PCDHA10: variants seen among roughly 807,000 people sequenced by gnomAD.
PCDHA10 encodes the protein protocadherin alpha-10.
Under a neutral mutation model 61.2 loss-of-function variants are expected in PCDHA10, and 45 were observed. The observed-to-expected ratio is 0.74, with a 90% CI of 0.58 to 0.94. The LOEUF (loss-of-function observed/expected upper bound fraction) is 0.94, where lower values mean the gene tolerates loss of function less well. Ranked by LOEUF, PCDHA10 falls within the 40% of genes least tolerant of loss-of-function variation. The pLI is 0.00. For synonymous variants in PCDHA10, 602 were observed against 548.8 expected, an observed-to-expected ratio of 1.10 and a Z score of -1.35; for missense variants, 1,278 against 1,236.2, an observed-to-expected ratio of 1.03 and a Z score of -0.51.
At chr5:140,895,367 CT>C (rs35382025) in intron 1 of PCDHA10, among the ~76,000 whole-genome samples, 1 of 152,014 alleles carries the variant, frequency 6.6e-6, no homozygotes, top group Non-Finnish European at 1.5e-5. Context: ...CTTATTGGCA[CT>C]TTTTGGAGTT....
At chr5:140,914,615 A>G (rs573524299) in intron 1 of PCDHA10, among the ~76,000 whole-genome samples, 12 of 151,836 alleles carry the variant, frequency 7.9e-5, no homozygotes, top group African/African-American at 2.9e-4. Context: ...GCCATTTTGT[A>G]ATTTGTTTTC....
chr5:140,881,488 AT>A (rs1193131425), intron 1 of PCDHA10: 4 of 334,526 alleles, frequency 1.2e-5, no homozygotes, highest in African/African-American at 8.9e-5. Flanking sequence ...TATTGTGTTT[AT>A]GCACATACAC....
At chr5:140,888,834 C>T (rs2061995964) in intron 1 of PCDHA10, among the ~76,000 whole-genome samples, 1 of 152,080 alleles carries the variant, frequency 6.6e-6, no homozygotes, top group Non-Finnish European at 1.5e-5. Context: ...CATCACTCCA[C>T]TGCAGCCTGG....
chr5:140,945,614 A>G lies in PCDHA10; in HGVS notation c.2389-33335A>G, dbSNP rs2093816394. Among the ~76,000 whole-genome samples the G allele has an allele frequency of 2.0e-5, 3 of 152,278 alleles. No homozygotes were observed. The South Asian group carries it at 6.2e-4, about 32-fold the overall frequency. ...TCAAAGCTATAATAATCAAAACAGC[A>G]TGGTACTGGCATAAAAGACATGTAG... On this transcript the variant is annotated intron_variant, in intron 1 of 3. Coordinates refer to ENST00000307360, the MANE Select transcript of PCDHA10 (RefSeq NM_018901.4).
At chr5:141,007,395 CAA>C (rs35800918) in intron 3 of PCDHA10, among the ~76,000 whole-genome samples, 1,140 of 94,858 alleles carry the variant, frequency 0.012, 9 homozygotes, top group South Asian at 0.036. Context: ...TACTAAAATA[CAA>C]AAAAAAAAAA....
intron 1 of PCDHA10, among the ~76,000 whole-genome samples, chr5:140,888,973 A>G (rs1173174070): frequency 2.6e-5 from 4 of 152,078 alleles, no homozygotes; most frequent in African/African-American, 9.7e-5. Flanking sequence ...TAATGTGTTG[A>G]ATTTATGATT....
intron 3 of PCDHA10, among the ~76,000 whole-genome samples, chr5:140,985,879 A>G (rs539308826): frequency 6.6e-6 from 1 of 151,504 alleles, no homozygotes; most frequent in Non-Finnish European, 1.5e-5. Context: ...AGCTGGGACT[A>G]CAGGCGCCCG....
At chr5:140,927,158 C>G in intron 1 of PCDHA10, 1 of 1,614,166 alleles carries the variant, frequency 6.2e-7, no homozygotes, top group Non-Finnish European at 8.5e-7. Context: ...CTGTGCAGGG[C>G]CAAAGCTGCC....
chr5:140,862,236 A>G (rs2047269421), intron 1 of PCDHA10: 1 of 213,620 alleles, frequency 4.7e-6, no homozygotes, highest in African/African-American at 2.3e-5. Context: ...CTTGGACATC[A>G]ATGATAGTGT....
At chr5:141,000,183 A>G (rs2097895175) in intron 3 of PCDHA10, among the ~76,000 whole-genome samples, 1 of 151,898 alleles carries the variant, frequency 6.6e-6, no homozygotes, top group Non-Finnish European at 1.5e-5. Context: ...CAAGGAGTCA[A>G]TGTGAGAATA....
rs568088223 is a variant in PCDHA10, at chr5:140,879,577, G to T, written c.2388+21141G>T. ...ATCCATGAAAGAATAAAATTGCCAA[G>T]ACAGACATTGAAAAGTGAAAAACAA... is the stretch of plus-strand genomic sequence containing the variant. On this transcript the variant is annotated intron_variant, in intron 1 of 3. Transcript: ENST00000307360. Among the ~76,000 whole-genome samples, 5 of 152,302 alleles carry T rather than the reference G, an allele frequency of 3.3e-5. No homozygotes were observed. In the South Asian group the frequency reaches 1.0e-3, roughly 32 times the overall value.
intron 1 of PCDHA10, among the ~76,000 whole-genome samples, chr5:140,881,608 C>T (rs1254695632): frequency 6.6e-6 from 1 of 152,154 alleles, no homozygotes; most frequent in Non-Finnish European, 1.5e-5. Flanking sequence ...ATATGATGTG[C>T]TTATTCAAAA....
rs147361555 is a variant in PCDHA10, at chr5:140,857,527, G to T, written c.1479G>T (p.Leu493=). The T allele has an allele frequency of 8.1e-6, 13 of 1,597,684 alleles. No individual in the cohort carries two copies. The highest frequency in any genetic ancestry group is 1.1e-5 in the Non-Finnish European group (13 of 1,167,790). ...AGAACGCCCTGGTGTCCTACTCTCT[G>T]GTGGAGCGGCGGTTGGGCGAGCGCT... is the stretch of plus-strand genomic sequence containing the variant. ...AQENALVSYS[L]VERRLGERSL... is the part of the protein sequence containing the mutation. The change falls in exon 1 of 4, where the codon CTG becomes CTT. Residue 493 remains leucine, a synonymous_variant. Transcript: ENST00000307360.
At chr5:140,984,588 T>C (rs1338170509) in intron 3 of PCDHA10, among the ~76,000 whole-genome samples, 1 of 152,170 alleles carries the variant, frequency 6.6e-6, no homozygotes, top group Non-Finnish European at 1.5e-5. Flanking sequence ...AATCATACTT[T>C]TCAATACATA....
chr5:140,864,592 C>G (rs1005645849), intron 1 of PCDHA10: 6 of 152,206 alleles, frequency 3.9e-5, no homozygotes, highest in South Asian at 4.1e-4. Flanking sequence ...TCAACTACTT[C>G]AGATAGCCAA....
chr5:140,967,024 T>G, intron 1 of PCDHA10: 1 of 1,608,238 alleles, frequency 6.2e-7, no homozygotes, highest in Non-Finnish European at 8.5e-7. Flanking sequence ...GTGCGCCCAG[T>G]CCGCGCTACC....
chr5:140,982,447 C>T (rs782801484), intron 2 of PCDHA10, 28 bp from the exon 3 acceptor site: 5 of 1,613,664 alleles, frequency 3.1e-6, no homozygotes, highest in Admixed American at 3.3e-5. Flanking sequence ...ATGATCTAAC[C>T]GTTATCTGGG....
At chr5:140,869,615 G>A (rs373081906) in intron 1 of PCDHA10, 4 of 1,613,740 alleles carry the variant, frequency 2.5e-6, no homozygotes, top group East Asian at 4.5e-5. Flanking sequence ...TTGACCTACA[G>A]GCTAAGTAAA....
intron 1 of PCDHA10, among the ~76,000 whole-genome samples, chr5:140,938,157 G>C (rs532966795): frequency 6.6e-6 from 1 of 152,022 alleles, no homozygotes; most frequent in African/African-American, 2.4e-5. Context: ...CATTGCCCAG[G>C]CTAGTCTGGA....
Sources: allele counts gnomAD v4.1 joint callset (sites outside exome capture counted in the v4.1 genomes callset), GRCh38; gene constraint gnomAD v4.1.1; transcripts MANE v1.5; gene names NCBI Gene and HGNC (gene_info 2026-07-23, HGNC 2026-07-21).